TRABD2B: variants seen among roughly 807,000 people sequenced by gnomAD.
TRABD2B encodes the protein metalloprotease TIKI2.
In TRABD2B, 14 loss-of-function variants were observed where a neutral mutation model predicts 40.1. The ratio of observed to expected loss-of-function variants is 0.35; its 90% CI spans 0.23 to 0.55. The LOEUF is 0.55. Ranked by LOEUF, TRABD2B falls within the 20% of genes least tolerant of loss-of-function variation. The pLI, the probability that TRABD2B is intolerant of heterozygous loss-of-function variation, is 0.90. For missense variants in TRABD2B, 541 were observed against 648.6 expected (o/e 0.83, Z 1.80); for synonymous variants, 263 against 277.0 (o/e 0.95, Z 0.50).
chr1:47,797,339 C>T (rs558489057), intron 3 of TRABD2B, among the ~76,000 whole-genome samples: 7 of 152,320 alleles, frequency 4.6e-5, no homozygotes, highest in African/African-American at 1.4e-4. Flanking sequence ...GGCTTCATCA[C>T]TTTTCCCAGT....
intron 2 of TRABD2B, among the ~76,000 whole-genome samples, chr1:47,956,987 G>A (rs930403856): frequency 1.3e-5 from 2 of 152,190 alleles, no homozygotes; most frequent in Non-Finnish European, 2.9e-5. Context: ...CATACAACCG[G>A]GTGCCCCTCT....
At chr1:47,827,041 C>T (rs1440842323) in intron 2 of TRABD2B, among the ~76,000 whole-genome samples, 3 of 152,182 alleles carry the variant, frequency 2.0e-5, no homozygotes, top group Non-Finnish European at 4.4e-5. Context: ...TGTCCACACT[C>T]CATGGAGGAC....
intron 4 of TRABD2B, among the ~76,000 whole-genome samples, chr1:47,787,470 C>G (rs1345873445): frequency 1.3e-5 from 2 of 152,194 alleles, no homozygotes; most frequent in Non-Finnish European, 2.9e-5. Context: ...TATTTTCTTT[C>G]TTTTCTGGCT....
chr1:47,874,033 G>A (rs1644182745), intron 2 of TRABD2B, among the ~76,000 whole-genome samples: 1 of 152,104 alleles, frequency 6.6e-6, no homozygotes, highest in African/African-American at 2.4e-5. Flanking sequence ...CTGTCTTAGA[G>A]AAAGAAGACT....
intron 2 of TRABD2B, among the ~76,000 whole-genome samples, chr1:47,915,023 T>C (rs769766643): frequency 7.2e-5 from 11 of 152,298 alleles, no homozygotes; most frequent in Non-Finnish European, 1.5e-4. Flanking sequence ...ACAAATGCCA[T>C]GAGGCAGATT....
intron 2 of TRABD2B, among the ~76,000 whole-genome samples, chr1:47,858,781 C>T (rs1041600997): frequency 6.6e-6 from 1 of 152,170 alleles, no homozygotes; most frequent in Admixed American, 6.5e-5. Context: ...CAGAAGCCTG[C>T]CAGACAAGAA....
intron 2 of TRABD2B, among the ~76,000 whole-genome samples, chr1:47,933,276 T>G (rs1185883795): frequency 6.6e-6 from 1 of 151,576 alleles, no homozygotes; most frequent in African/African-American, 2.4e-5. Flanking sequence ...TGGCTAATTT[T>G]TTTTTTTGTA....
intron 2 of TRABD2B, among the ~76,000 whole-genome samples, chr1:47,815,204 G>A (rs1386439692): frequency 1.3e-5 from 2 of 152,178 alleles, no homozygotes; most frequent in East Asian, 3.9e-4. Flanking sequence ...CTGAGCCTTG[G>A]GTCTTGGGAA....
chr1:47,841,595 G>A (rs1464566099), intron 2 of TRABD2B, among the ~76,000 whole-genome samples: 2 of 152,118 alleles, frequency 1.3e-5, no homozygotes, highest in African/African-American at 4.8e-5. Flanking sequence ...GTCTAGAGGA[G>A]CCCACAGCCC....
chr1:47,778,320 GC>G, intron 5 of TRABD2B, 133 bp downstream of exon 5: 1 of 684,516 alleles, frequency 1.5e-6, no homozygotes, highest in Non-Finnish European at 2.5e-6. Flanking sequence ...CCTGCCTCCA[GC>G]CCAGCCTTTC....
At chr1:47,784,038 A>G (rs1478884680) in intron 4 of TRABD2B, among the ~76,000 whole-genome samples, 2 of 152,152 alleles carry the variant, frequency 1.3e-5, no homozygotes, top group Admixed American at 6.5e-5. Flanking sequence ...ACACATGCTC[A>G]TACTTAGTGG....
At chr1:47,940,630 C>G (rs1645172981) in intron 2 of TRABD2B, among the ~76,000 whole-genome samples, 1 of 152,182 alleles carries the variant, frequency 6.6e-6, no homozygotes, top group Non-Finnish European at 1.5e-5. Flanking sequence ...AGGGCCAGGA[C>G]CCCACAGGCT....
At chr1:47,833,523 C>A (rs1009898766) in intron 2 of TRABD2B, among the ~76,000 whole-genome samples, 2 of 152,238 alleles carry the variant, frequency 1.3e-5, no homozygotes, top group Admixed American at 6.5e-5. Flanking sequence ...ACAGAAGATG[C>A]TGGGATGGGT....
At chr1:47,995,380 A>C (rs567163105) in intron 1 of TRABD2B, among the ~76,000 whole-genome samples, 1 of 152,164 alleles carries the variant, frequency 6.6e-6, no homozygotes, top group Non-Finnish European at 1.5e-5. Flanking sequence ...AATTAGTCCC[A>C]AGAAATGTAC....
At chr1:47,899,033 T>C (rs1644562387) in intron 2 of TRABD2B, among the ~76,000 whole-genome samples, 1 of 152,232 alleles carries the variant, frequency 6.6e-6, no homozygotes, top group Non-Finnish European at 1.5e-5. Context: ...CTTACATCCA[T>C]ATTTTTCCTC....
rs12140903 is a variant in TRABD2B at position 47,997,103 on chromosome 1, C to G, written c.-314G>C. The G allele has an allele frequency of 0.34, 333,130 of 983,502 alleles. 57,976 individuals are homozygous for G. The highest frequency in any genetic ancestry group is 0.53 in the African/African-American group (30,398 of 56,828). 60.9% of individuals were successfully genotyped at this position (983,502 alleles called of 1,614,324 possible). ...CGCGCGGGGTCCCGGAGCTGCGTCG[C>G]GGTCCAGGGGCGCGCGGGGTTCCTG... On this transcript the variant is annotated 5_prime_UTR_variant, in exon 1 of 7. Transcript: ENST00000606738.
chr1:47,834,018 C>T (rs1455683286), intron 2 of TRABD2B, among the ~76,000 whole-genome samples: 2 of 152,216 alleles, frequency 1.3e-5, no homozygotes, highest in East Asian at 3.8e-4. Flanking sequence ...TGAAAACCAA[C>T]ACCTGCAATC....
chr1:47,805,256 A>ATT (rs61141795), intron 2 of TRABD2B, among the ~76,000 whole-genome samples: 81 of 139,688 alleles, frequency 5.8e-4, no homozygotes, highest in African/African-American at 2.1e-3. Flanking sequence ...TGCCACACCC[A>ATT]TTTTTTTTTT....
chr1:47,897,724 T>C (rs1325565433), intron 2 of TRABD2B, among the ~76,000 whole-genome samples: 2 of 152,032 alleles, frequency 1.3e-5, no homozygotes, highest in Non-Finnish European at 2.9e-5. Context: ...CACACACACA[T>C]ATACAATCTG....
Sources: allele counts gnomAD v4.1 joint callset (sites outside exome capture counted in the v4.1 genomes callset), GRCh38; gene constraint gnomAD v4.1.1; transcripts MANE v1.5; gene names NCBI Gene and HGNC (gene_info 2026-07-23, HGNC 2026-07-21).